Variants in SLC11A2 observed in about 807,000 individuals in gnomAD.
SLC11A2 encodes solute carrier family 11 member 2.
SLC11A2 carries 38 observed loss-of-function variants against 68.0 expected under a neutral mutation model. That is an observed-to-expected ratio of 0.56 (90% CI 0.43 to 0.73). The LOEUF is 0.73. SLC11A2 is among the 30% of genes least tolerant of loss of function. The probability of loss-of-function intolerance (pLI) is 0.00; values close to 1 mark genes in which losing one functional copy is unlikely to be tolerated. For synonymous variants in SLC11A2, 242 were observed against 250.6 expected, an observed-to-expected ratio of 0.97 and a Z score of 0.32; for missense variants, 517 against 690.5, an observed-to-expected ratio of 0.75 and a Z score of 2.82.
chr12:50,968,277 A>C, the SLC11A2 span, among the ~76,000 whole-genome samples: 3 of 152,236 alleles, frequency 2.0e-5, no homozygotes, highest in Non-Finnish European at 4.4e-5. Flanking sequence ...AAGGAAAGAT[A>C]AACTGGAATC....
intron 1 of SLC11A2, among the ~76,000 whole-genome samples, chr12:51,011,764 T>C (rs1436261192): frequency 1.3e-5 from 2 of 151,796 alleles, no homozygotes; most frequent in African/African-American, 2.4e-5. Flanking sequence ...GGTTTGACCA[T>C]GTTGGCCACG....
chr12:50,987,582 G>A lies in SLC11A2; in HGVS notation c.*743C>T. 1 of 1,287,090 alleles carries A rather than the reference G, an allele frequency of 7.8e-7. No homozygotes were observed. The highest frequency in any genetic ancestry group is 1.0e-6 in the Non-Finnish European group (1 of 988,648). 79.7% of individuals were successfully genotyped at this position (1,287,090 alleles called of 1,614,324 possible). ...CATCAGGAAAGCTCTGTACTAACAG[G>A]CAGGTTATTAAGACTCCCAAGAAAT... On this transcript the variant is annotated 3_prime_UTR_variant, in exon 16 of 16. Transcript: ENST00000262052.
At chr12:50,972,987 G>A in the SLC11A2 span, among the ~76,000 whole-genome samples, 16 of 152,318 alleles carry the variant, frequency 1.1e-4, no homozygotes, top group East Asian at 3.9e-4. Context: ...TAAACAAAGC[G>A]GCTGCAAAGC....
the SLC11A2 span, among the ~76,000 whole-genome samples, chr12:50,960,228 T>C: frequency 6.6e-6 from 1 of 152,226 alleles, no homozygotes; most frequent in Non-Finnish European, 1.5e-5. Flanking sequence ...CTAAAGTTTA[T>C]TGTTTCACTT....
At chr12:51,011,585 C>T (rs1191475297) in intron 1 of SLC11A2, among the ~76,000 whole-genome samples, 4 of 121,168 alleles carry the variant, frequency 3.3e-5, no homozygotes, top group African/African-American at 6.1e-5. Flanking sequence ...TTTTTTTAGA[C>T]GGAGTCTCAC....
intron 1 of SLC11A2, among the ~76,000 whole-genome samples, chr12:51,017,204 T>G (rs796461535): frequency 6.6e-6 from 1 of 152,068 alleles, no homozygotes; most frequent in South Asian, 2.1e-4. Flanking sequence ...ACAGCATTGT[T>G]TGTAGTATGA....
chr12:50,968,922 TC>T, the SLC11A2 span, among the ~76,000 whole-genome samples: 1 of 150,780 alleles, frequency 6.6e-6, no homozygotes, highest in South Asian at 2.1e-4. Flanking sequence ...CAAGTGATCC[TC>T]CTCCCTTGGC....
rs181949289 is a variant in SLC11A2 at position 50,994,937 on chromosome 12, G to A, written c.991-307C>T. ...TCTGAAGAAGGCTTCAGACATGAGA[G>A]AACACCCAGAATAGAATCCTCAGTC... On this transcript the variant is annotated intron_variant, in intron 10 of 15. Transcript: ENST00000262052. 20 of 378,682 alleles carry A rather than the reference G, an allele frequency of 5.3e-5. No homozygotes were observed. In the Admixed American group the frequency reaches 6.9e-4, roughly 13 times the overall value. The allele number at this position is 378,682 out of a possible 1,614,324, so 23.5% of individuals were successfully genotyped here.
chr12:51,008,241 GATAGATAGATAGATAGATA>G (rs1566020169), intron 3 of SLC11A2: 16 of 427,544 alleles, frequency 3.7e-5, no homozygotes, highest in African/African-American at 2.5e-4. Flanking sequence ...TAGATAGATA[GATAGATAGATAGATAGATA>G]GACGGACAGA....
chr12:50,968,478 C>T, the SLC11A2 span, among the ~76,000 whole-genome samples: 1 of 152,096 alleles, frequency 6.6e-6, no homozygotes, highest in Non-Finnish European at 1.5e-5. Context: ...CCTCAAACTC[C>T]TAGGCTCAAG....
chr12:50,972,207 C>T, the SLC11A2 span, among the ~76,000 whole-genome samples: 1 of 152,184 alleles, frequency 6.6e-6, no homozygotes, highest in Admixed American at 6.5e-5. Flanking sequence ...TCTACCTTCT[C>T]AATATGTACT....
chr12:50,975,417 A>T (rs1445317971), downstream of SLC11A2, among the ~76,000 whole-genome samples: 2 of 152,256 alleles, frequency 1.3e-5, no homozygotes, highest in South Asian at 4.1e-4. Flanking sequence ...ATGAAGGCAG[A>T]AATAAAGATG....
chr12:50,964,013 TG>T, the SLC11A2 span, among the ~76,000 whole-genome samples: 1 of 152,248 alleles, frequency 6.6e-6, no homozygotes, highest in African/African-American at 2.4e-5. Flanking sequence ...CATACGTCTT[TG>T]GATGATGATG....
rs1427072271 is a variant in SLC11A2, at chr12:51,000,437, G to GA, written c.430-19dup. The stretch of plus-strand genomic sequence containing the variant: ...CGTGGGACCTAAACATCAAACAGTA[G>GA]AAAGACACGGTTCTGATTAATCATT... On this transcript the variant is annotated intron_variant, in intron 5 of 15. Coordinates refer to ENST00000262052, the MANE Select transcript of SLC11A2 (RefSeq NM_000617.3). 9 of 1,553,024 alleles carry GA rather than the reference G, an allele frequency of 5.8e-6. No individual in the cohort carries two copies. The highest frequency in any genetic ancestry group is 7.1e-6 in the Non-Finnish European group (8 of 1,124,446).
rs1056086048 is a variant in SLC11A2 at position 50,987,878 on chromosome 12, A to G, written c.*447T>C. ...TAAAATAACTGAAAAGGTAGGTATA[A>G]GGAAAATTTCTCAGCCTTTAAAAAT... is the stretch of plus-strand genomic sequence containing the variant. On this transcript the variant is annotated 3_prime_UTR_variant, in exon 16 of 16. Transcript: ENST00000262052. 1.9e-5 allele frequency: 24 copies of G among 1,270,176 alleles called. No individual in the cohort carries two copies. Among genetic ancestry groups the G allele is most frequent in the African/African-American group, 1.7e-4 (11 of 64,858 alleles). The allele number at this position is 1,270,176 out of a possible 1,614,324, so 78.7% of individuals were successfully genotyped here. A position where few individuals can be genotyped will look rare whatever the true frequency, so the allele number is the denominator to read the frequency against.
At position 50,995,496 on chromosome 12, in the gene SLC11A2, G is replaced by C. The variant is rs991521703; in HGVS notation, c.990+133C>G. The C allele has an allele frequency of 9.7e-6, 9 of 931,534 alleles. No homozygotes were observed. The Admixed American group carries it at 9.7e-5, about 10-fold the overall frequency. The allele number at this position is 931,534 out of a possible 1,614,324, so 57.7% of individuals were successfully genotyped here. A position where few individuals can be genotyped will look rare whatever the true frequency, so the allele number is the denominator to read the frequency against. ...CTCTGACTGGTGCACAGTGATTTTG[G>C]GGGGCAGACGAGAAGCTAGAGATTA... On this transcript the variant is annotated intron_variant, in intron 10 of 15. Transcript: ENST00000262052.
At position 51,010,633 on chromosome 12, in the gene SLC11A2, C is replaced by T. The variant is rs550274170; in HGVS notation, c.34+62G>A. On this transcript the variant is annotated intron_variant, in intron 2 of 15. Coordinates refer to ENST00000262052, the MANE Select transcript of SLC11A2 (RefSeq NM_000617.3). ...ACAAGAGGAAAAATATGATAAATTT[C>T]TGTTACCAACATAAACCTAATTACA... 3.4e-5 allele frequency: 31 copies of T among 923,302 alleles called. 1 individual carries two copies. The East Asian group carries it at 7.3e-4, about 22-fold the overall frequency. 57.2% of individuals were successfully genotyped at this position (923,302 alleles called of 1,614,324 possible).
At position 50,986,991 on chromosome 12, in the gene SLC11A2, G is replaced by A. The variant is rs1940639226; in HGVS notation, c.*1334C>T. ...CCATTACTGTTCTCACCAAATCAAT[G>A]ACTATAAAACAGTTTTGATTATTTA... On this transcript the variant is annotated 3_prime_UTR_variant, in exon 16 of 16. Coordinates refer to ENST00000262052, the MANE Select transcript of SLC11A2 (RefSeq NM_000617.3). 7.8e-7 allele frequency: 1 copy of A among 1,286,094 alleles called. No individual in the cohort carries two copies. Among genetic ancestry groups the A allele is most frequent in the South Asian group, 1.2e-5 (1 of 80,862 alleles). 79.7% of individuals were successfully genotyped at this position (1,286,094 alleles called of 1,614,324 possible). A position where few individuals can be genotyped will look rare whatever the true frequency, so the allele number is the denominator to read the frequency against.
rs1479063502 is a variant in SLC11A2, at chr12:51,010,748, G to C, written c.-20C>G. The C allele has an allele frequency of 6.2e-7, 1 of 1,601,452 alleles. No homozygotes were observed. Among genetic ancestry groups the C allele is most frequent in the Non-Finnish European group, 8.5e-7 (1 of 1,170,584 alleles). On this transcript the variant is annotated 5_prime_UTR_variant, in exon 2 of 16. Transcript: ENST00000262052. ...CACCATGGTGGATACCTGAGTGGCT[G>C]AGTTCTTAGAATATGATTCTGGAAA...
Sources: gnomAD v4.1 joint callset for allele counts (sites outside exome capture counted in the v4.1 genomes callset) on GRCh38, gnomAD v4.1.1 for gene constraint, MANE v1.5 for transcripts, NCBI Gene and HGNC (gene_info 2026-07-23, HGNC 2026-07-21) for gene names.